CLEC16A: variants seen among roughly 807,000 people sequenced by gnomAD.
CLEC16A encodes the protein C-type lectin domain containing 16A, also known as protein CLEC16A.
In CLEC16A, 51 loss-of-function variants were observed where a neutral mutation model predicts 109.5. The ratio of observed to expected loss-of-function variants is 0.47; its 90% CI spans 0.37 to 0.59. The LOEUF is 0.59. Ranked by LOEUF, CLEC16A falls within the 20% of genes least tolerant of loss-of-function variation. The pLI is 0.00. For synonymous variants in CLEC16A, 673 were observed against 564.2 expected (o/e 1.19, Z -2.73); for missense variants, 1,339 against 1,394.0 (o/e 0.96, Z 0.63).
chr16:11,108,010 A>G (rs2051329124), intron 19 of CLEC16A, among the ~76,000 whole-genome samples: 1 of 152,226 alleles, frequency 6.6e-6, no homozygotes, highest in Non-Finnish European at 1.5e-5. Flanking sequence ...GCATTCTGTC[A>G]TCAGGGAGGC....
intron 1 of CLEC16A, among the ~76,000 whole-genome samples, chr16:10,956,253 C>T (rs1300003150): frequency 6.6e-6 from 1 of 152,208 alleles, no homozygotes; most frequent in Non-Finnish European, 1.5e-5. Context: ...CTTGATTATA[C>T]TAGGTCTTTA....
At chr16:11,146,255 C>G (rs906875983) in intron 22 of CLEC16A, among the ~76,000 whole-genome samples, 2 of 152,150 alleles carry the variant, frequency 1.3e-5, no homozygotes, top group Non-Finnish European at 2.9e-5. Flanking sequence ...CTGACATTTT[C>G]TACTCCTTGA....
intron 1 of CLEC16A, among the ~76,000 whole-genome samples, chr16:10,953,465 A>T (rs1248610431): frequency 2.6e-5 from 4 of 152,242 alleles, no homozygotes; most frequent in African/African-American, 9.6e-5. Context: ...GGTAGGTAAG[A>T]ACCTCTTAAG....
rs147124121 is a variant in CLEC16A at position 11,156,822 on chromosome 16, C to T, written c.2642-9566C>T. On this transcript the variant is annotated intron_variant, in intron 22 of 23. Coordinates refer to ENST00000409790, the MANE Select transcript of CLEC16A (RefSeq NM_015226.3). ...GCGAGAGATTCCAAGATCTGGTCCA[C>T]CTGTGTCCCCCATGTGCCATCCAAC... 8 of 497,162 alleles carry T rather than the reference C, an allele frequency of 1.6e-5. No homozygotes were observed. The East Asian group carries it at 3.5e-4, about 22-fold the overall frequency. 30.8% of individuals were successfully genotyped at this position (497,162 alleles called of 1,614,324 possible).
At chr16:11,103,913 G>A (rs2051068561) in intron 19 of CLEC16A, among the ~76,000 whole-genome samples, 1 of 152,218 alleles carries the variant, frequency 6.6e-6, no homozygotes, top group Non-Finnish European at 1.5e-5. Context: ...AGGAGAATCT[G>A]GGTTGGATGT....
chr16:11,107,374 A>G (rs1484330768), intron 19 of CLEC16A, among the ~76,000 whole-genome samples: 1 of 152,196 alleles, frequency 6.6e-6, no homozygotes, highest in Non-Finnish European at 1.5e-5. Flanking sequence ...CTGGGAAGGA[A>G]TGCTTTAGGG....
At chr16:11,016,561 C>G (rs1238384798) in intron 11 of CLEC16A, among the ~76,000 whole-genome samples, 1 of 152,074 alleles carries the variant, frequency 6.6e-6, no homozygotes, top group Non-Finnish European at 1.5e-5. Context: ...ATCTCAAACT[C>G]TTGACCTCAA....
chr16:11,015,522 C>A (rs2045693178), intron 11 of CLEC16A, among the ~76,000 whole-genome samples: 1 of 152,182 alleles, frequency 6.6e-6, no homozygotes. Context: ...ACGAGGGAGC[C>A]CACGGCAGTC....
At chr16:10,983,211 A>T (rs569262561) in intron 10 of CLEC16A, among the ~76,000 whole-genome samples, 1 of 152,314 alleles carries the variant, frequency 6.6e-6, no homozygotes, top group South Asian at 2.1e-4. Context: ...GTGTTCTTAA[A>T]CATGGAATTG....
intron 8 of CLEC16A, 78 bp downstream of exon 8, chr16:10,977,477 G>A: frequency 3.0e-6 from 4 of 1,313,180 alleles, no homozygotes; most frequent in Non-Finnish European, 4.2e-6. Context: ...CCCTGGAATG[G>A]GGCTGAGCAT....
chr16:11,041,093 C>G (rs530524938), intron 14 of CLEC16A: 1 of 152,324 alleles, frequency 6.6e-6, no homozygotes, highest in Admixed American at 6.5e-5. Flanking sequence ...GTTACAGATG[C>G]TTCTAGGAGA....
At chr16:11,018,933 G>C (rs901264585) in intron 11 of CLEC16A, among the ~76,000 whole-genome samples, 4 of 152,066 alleles carry the variant, frequency 2.6e-5, no homozygotes, top group African/African-American at 7.2e-5. Flanking sequence ...TGGGAGTTTT[G>C]AACAGAGGAG....
intron 22 of CLEC16A, among the ~76,000 whole-genome samples, chr16:11,138,441 AAGAC>A (rs2053670848): frequency 6.6e-6 from 1 of 152,208 alleles, no homozygotes; most frequent in Non-Finnish European, 1.5e-5. Flanking sequence ...TGAAGGTTCT[AAGAC>A]AGATCAGGGG....
Position 10,992,477 on chromosome 16 carries a change from A to G in CLEC16A, c.1071+9486A>G, listed in dbSNP as rs1378909580. ...CTGATGTGATCATTACATGACGTACACATATATTAAAACATCAAATTGTAC... is the reference window on the plus strand; with the variant it reads ...CTGATGTGATCATTACATGACGTACGCATATATTAAAACATCAAATTGTAC... On this transcript the variant is annotated intron_variant, in intron 10 of 23. Transcript: ENST00000409790. Among the ~76,000 whole-genome samples, 6 of 146,490 alleles carry G rather than the reference A, an allele frequency of 4.1e-5. No homozygotes were observed. The South Asian group carries it at 1.1e-3, about 27-fold the overall frequency.
chr16:11,089,212 A>T (rs1000589816), intron 19 of CLEC16A, among the ~76,000 whole-genome samples: 2 of 152,212 alleles, frequency 1.3e-5, no homozygotes, highest in Admixed American at 1.3e-4. Context: ...GAATGACAGT[A>T]GCAGTAGTTT....
chr16:10,964,146 C>T (rs550690805), intron 3 of CLEC16A, among the ~76,000 whole-genome samples: 1 of 152,314 alleles, frequency 6.6e-6, no homozygotes, highest in South Asian at 2.1e-4. Context: ...TTCCTCTGGC[C>T]AAGAGGGAGA....
In CLEC16A at chr16:11,044,995, T is replaced by C. The variant is rs1006800897; in HGVS notation, c.1815+923T>C. On this transcript the variant is annotated intron_variant, in intron 16 of 23. Coordinates refer to ENST00000409790, the MANE Select transcript of CLEC16A (RefSeq NM_015226.3). ...CTTTTAAGGCATATGTTTTAGTCCA[T>C]TTGGGATGCTAAAACAAAACACCAT... Among the ~76,000 whole-genome samples the C allele has an allele frequency of 2.0e-5, 3 of 151,380 alleles. No individual in the cohort carries two copies. In the South Asian group the frequency reaches 6.2e-4, roughly 32 times the overall value.
At chr16:11,008,826 TAAAA>T (rs35514760) in intron 11 of CLEC16A, among the ~76,000 whole-genome samples, 1 of 86,272 alleles carries the variant, frequency 1.2e-5, no homozygotes, top group South Asian at 4.1e-4. Context: ...CCGTCTCTAC[TAAAA>T]AAAAAAAAAA....
intron 11 of CLEC16A, among the ~76,000 whole-genome samples, chr16:11,004,825 G>A (rs1164345149): frequency 6.6e-6 from 1 of 151,954 alleles, no homozygotes; most frequent in African/African-American, 2.4e-5. Context: ...TTTAAAGTGT[G>A]CAATAGGTGT....
Sources: gnomAD v4.1 joint callset for allele counts (sites outside exome capture counted in the v4.1 genomes callset) on GRCh38, gnomAD v4.1.1 for gene constraint, MANE v1.5 for transcripts, NCBI Gene and HGNC (gene_info 2026-07-23, HGNC 2026-07-21) for gene names.